Variants in PDE11A observed in about 807,000 individuals in gnomAD.
PDE11A encodes dual 3',5'-cyclic-AMP and -GMP phosphodiesterase 11A.
PDE11A carries 100 observed loss-of-function variants against 100.5 expected under a neutral mutation model. The observed-to-expected ratio is 1.00, with a 90% CI of 0.85 to 1.18. PDE11A has a LOEUF of 1.18. Ranked by LOEUF, PDE11A falls within the 50% of genes most tolerant of loss-of-function variation. The pLI is 0.00. For missense variants in PDE11A, 1,141 were observed against 1,152.6 expected, an observed-to-expected ratio of 0.99 and a Z score of 0.15; for synonymous variants, 381 against 420.8, an observed-to-expected ratio of 0.91 and a Z score of 1.16.
chr2:177,926,446 T>C (rs1402299403), intron 2 of PDE11A, among the ~76,000 whole-genome samples: 1 of 152,202 alleles, frequency 6.6e-6, no homozygotes, highest in Non-Finnish European at 1.5e-5. Flanking sequence ...GGTTCACTGA[T>C]ACATAACTCA....
intron 2 of PDE11A, among the ~76,000 whole-genome samples, chr2:177,988,984 T>C (rs1185599380): frequency 1.3e-5 from 2 of 152,224 alleles, no homozygotes; most frequent in African/African-American, 4.8e-5. Context: ...GTATCACTTC[T>C]GTCTGCAAAA....
At chr2:178,073,044 C>T (rs2087160040), upstream of PDE11A, 1 of 985,398 alleles carries the variant, frequency 1.0e-6, no homozygotes, top group Non-Finnish European at 1.2e-6. Flanking sequence ...CCCCAACCCT[C>T]CCTACTCACC....
chr2:177,710,656 T>C (rs993572974), intron 13 of PDE11A, among the ~76,000 whole-genome samples: 1 of 152,104 alleles, frequency 6.6e-6, no homozygotes, highest in African/African-American at 2.4e-5. Flanking sequence ...CAGGAAATGA[T>C]AGGATATTGA....
chr2:177,678,991 A>T (rs1186298552), intron 16 of PDE11A, among the ~76,000 whole-genome samples: 1 of 151,878 alleles, frequency 6.6e-6, no homozygotes, highest in African/African-American at 2.4e-5. Context: ...TGGGGGGAAG[A>T]AGGGCTAGAA....
At chr2:178,026,240 C>T (rs1303038671) in intron 1 of PDE11A, among the ~76,000 whole-genome samples, 2 of 152,284 alleles carry the variant, frequency 1.3e-5, no homozygotes, top group Admixed American at 6.5e-5. Context: ...ATCCTTCCCA[C>T]ATTTATGGCA....
intron 2 of PDE11A, among the ~76,000 whole-genome samples, chr2:177,960,358 T>C (rs1356083326): frequency 6.6e-6 from 1 of 152,098 alleles, no homozygotes; most frequent in Non-Finnish European, 1.5e-5. Flanking sequence ...GGTACCATTT[T>C]GAAACTCATT....
In PDE11A at chr2:177,875,874, G is replaced by T; in HGVS notation, c.1352C>A (p.Ala451Asp). 1 of 1,610,646 alleles carries T rather than the reference G, an allele frequency of 6.2e-7. No individual in the cohort carries two copies. The highest frequency in any genetic ancestry group is 8.5e-7 in the Non-Finnish European group (1 of 1,176,864). The change falls in exon 5 of 20, where the codon GCT becomes GAT. Residue 451 changes from alanine to aspartate, a missense_variant. Coordinates refer to ENST00000286063, the MANE Select transcript of PDE11A (RefSeq NM_016953.4). ...CAAGCCCTACCTGTTCTCAGCATCA[G>T]CACTGCACTTTGGGGACATCAATTC... ...SFELMSPKCS[A>D]DAENSFKESM... is the part of the protein sequence containing the mutation.
At chr2:177,842,472 G>A (rs2083507215) in intron 5 of PDE11A, among the ~76,000 whole-genome samples, 1 of 152,202 alleles carries the variant, frequency 6.6e-6, no homozygotes, top group South Asian at 2.1e-4. Context: ...GAATAAAACT[G>A]AAAAAGAGGC....
intron 5 of PDE11A, among the ~76,000 whole-genome samples, chr2:177,872,711 T>C (rs1426195069): frequency 6.6e-6 from 1 of 152,170 alleles, no homozygotes; most frequent in Non-Finnish European, 1.5e-5. Context: ...TCTATAGTGA[T>C]GATGTTAAAT....
chr2:177,641,935 G>A (rs891551002), intron 19 of PDE11A, among the ~76,000 whole-genome samples: 6 of 152,158 alleles, frequency 3.9e-5, no homozygotes, highest in African/African-American at 1.4e-4. Context: ...TACCAGGTAT[G>A]TGCATTATCA....
intron 9 of PDE11A, among the ~76,000 whole-genome samples, chr2:177,805,717 A>G (rs2082859283): frequency 6.6e-6 from 1 of 152,204 alleles, no homozygotes; most frequent in Admixed American, 6.6e-5. Context: ...TCATGAAATT[A>G]CCAAAATGCT....
At chr2:177,968,291 C>T (rs1430419508) in intron 2 of PDE11A, among the ~76,000 whole-genome samples, 1 of 152,112 alleles carries the variant, frequency 6.6e-6, no homozygotes, top group Non-Finnish European at 1.5e-5. Flanking sequence ...TATGTCAACA[C>T]CAATTAGTCT....
intron 1 of PDE11A, among the ~76,000 whole-genome samples, chr2:178,039,767 T>C (rs1041057954): frequency 6.6e-6 from 1 of 152,138 alleles, no homozygotes; most frequent in African/African-American, 2.4e-5. Flanking sequence ...AGGAACATTA[T>C]ACGGCACTGG....
intron 1 of PDE11A, among the ~76,000 whole-genome samples, chr2:178,030,709 C>A (rs2086535140): frequency 6.6e-6 from 1 of 151,988 alleles, no homozygotes; most frequent in Non-Finnish European, 1.5e-5. Context: ...AACACTGTCT[C>A]TATAAAAAAT....
intron 2 of PDE11A, among the ~76,000 whole-genome samples, chr2:177,959,998 A>G (rs571545611): frequency 1.1e-4 from 16 of 152,330 alleles, no homozygotes; most frequent in African/African-American, 3.4e-4. Context: ...ATCCCAGCTT[A>G]CACAGCAATG....
intron 6 of PDE11A, among the ~76,000 whole-genome samples, chr2:177,823,639 T>C (rs2083180038): frequency 6.6e-6 from 1 of 152,150 alleles, no homozygotes; most frequent in Admixed American, 6.6e-5. Flanking sequence ...ATCAAAGTTA[T>C]CTTCCAAAAA....
At chr2:177,895,671 G>A (rs1249116811) in intron 4 of PDE11A, among the ~76,000 whole-genome samples, 1 of 152,120 alleles carries the variant, frequency 6.6e-6, no homozygotes, top group African/African-American at 2.4e-5. Context: ...GACAAATACT[G>A]GATGATCTCA....
intron 2 of PDE11A, among the ~76,000 whole-genome samples, chr2:178,078,030 G>A (rs2087229837): frequency 6.6e-6 from 1 of 152,010 alleles, no homozygotes; most frequent in South Asian, 2.1e-4. Flanking sequence ...CATGTTTGTG[G>A]TAATGTGTTA....
At chr2:177,848,768 T>A (rs1172105462) in intron 5 of PDE11A, among the ~76,000 whole-genome samples, 4 of 151,938 alleles carry the variant, frequency 2.6e-5, no homozygotes, top group Admixed American at 2.6e-4. Flanking sequence ...GGTAAATCAA[T>A]ACGAGCAAAG....
Sources: gnomAD v4.1 joint callset for allele counts (sites outside exome capture counted in the v4.1 genomes callset) on GRCh38, gnomAD v4.1.1 for gene constraint, MANE v1.5 for transcripts, NCBI Gene and HGNC (gene_info 2026-07-23, HGNC 2026-07-21) for gene names.